Variants in AAK1 observed in about 807,000 individuals in gnomAD.
AAK1 encodes AP2-associated protein kinase 1.
Under a neutral mutation model 116.0 loss-of-function variants are expected in AAK1, and 37 were observed. The observed-to-expected ratio is 0.32, with a 90% CI of 0.25 to 0.42. AAK1 has a LOEUF of 0.42. Ranked by LOEUF, AAK1 falls within the 10% of genes least tolerant of loss-of-function variation. AAK1 has a pLI of 1.00. For synonymous variants in AAK1, 458 were observed against 439.9 expected (o/e 1.04, Z -0.51); for missense variants, 919 against 1,170.6 (o/e 0.79, Z 3.14).
intron 2 of AAK1, among the ~76,000 whole-genome samples, chr2:69,565,952 CA>C (rs1558966605): frequency 6.6e-6 from 1 of 152,020 alleles, no homozygotes; most frequent in East Asian, 1.9e-4. Flanking sequence ...GTCCTCTCCA[CA>C]GTGAGAGTTC....
chr2:69,532,160 A>G lies in AAK1; in HGVS notation c.537T>C (p.Val179=). Residue 179 remains valine, a splice_region_variant and synonymous_variant, in exon 6 of 22, where the codon GTT becomes GTC. Coordinates refer to ENST00000409085, the MANE Select transcript of AAK1 (RefSeq NM_014911.5). ...CTCGGTCATGCAAGAGGATGTTTTCAACCTGAAAAACATTCCCCAACCACC... is the reference window on the plus strand; with the variant it reads ...CTCGGTCATGCAAGAGGATGTTTTCGACCTGAAAAACATTCCCCAACCACC... ...KTPIIHRDLK[V]ENILLHDRGH... is the part of the protein sequence containing the mutation. 6.2e-7 allele frequency: 1 copy of G among 1,613,250 alleles called. No individual in the cohort carries two copies. The highest frequency in any genetic ancestry group is 1.1e-5 in the South Asian group (1 of 91,064).
At chr2:69,595,326 G>T (rs770958398) in intron 2 of AAK1, among the ~76,000 whole-genome samples, 1 of 152,196 alleles carries the variant, frequency 6.6e-6, no homozygotes, top group Non-Finnish European at 1.5e-5. Context: ...AAGTTGGCTA[G>T]GCTGGTCTCG....
At chr2:69,548,604 C>T in intron 3 of AAK1, among the ~76,000 whole-genome samples, 1 of 146,674 alleles carries the variant, frequency 6.8e-6, no homozygotes, top group Admixed American at 6.9e-5. Context: ...TCTTCCCCTT[C>T]CTTCCTTCCT....
intron 2 of AAK1, among the ~76,000 whole-genome samples, chr2:69,636,052 C>T (rs1406155624): frequency 6.6e-6 from 1 of 152,090 alleles, no homozygotes; most frequent in East Asian, 1.9e-4. Flanking sequence ...GTCACATGTC[C>T]ACTATTGAGG....
At chr2:69,561,373 C>T (rs986843198) in intron 2 of AAK1, among the ~76,000 whole-genome samples, 2 of 152,146 alleles carry the variant, frequency 1.3e-5, no homozygotes, top group African/African-American at 2.4e-5. Flanking sequence ...ACAGAATACT[C>T]CTCCCACCCA....
rs758259777 is a variant in AAK1 at position 69,475,915 on chromosome 2, T to C, written c.2840A>G (p.Asn947Ser). 5 of 1,612,304 alleles carry C rather than the reference T, an allele frequency of 3.1e-6. No individual in the cohort carries two copies. The South Asian group carries it at 3.3e-5, about 11-fold the overall frequency. ...CACCAGCAGTAAAGACCTGGCTAGG[T>C]TGGGAAGACTGGACTCAGAGCTCCC... ...SSGSSESSLP[N>S]LARSLLLVDQ... Residue 947 changes from asparagine (N) to serine (S), a missense_variant, in exon 22 of 22, where the codon AAC becomes AGC. Asn to Ser is a conservative substitution (Grantham distance 46). This residue lies in a region of AAK1 where 263 missense variants were observed against 285.5 expected (regional missense o/e 0.92). Coordinates refer to ENST00000409085, the MANE Select transcript of AAK1 (RefSeq NM_014911.5).
chr2:69,593,933 C>T (rs997882251), intron 2 of AAK1, among the ~76,000 whole-genome samples: 1 of 152,208 alleles, frequency 6.6e-6, no homozygotes, highest in Non-Finnish European at 1.5e-5. Context: ...TTGACCTTAG[C>T]GGCTCTTGCC....
At chr2:69,565,468 A>G (rs1671824340) in intron 2 of AAK1, among the ~76,000 whole-genome samples, 1 of 152,200 alleles carries the variant, frequency 6.6e-6, no homozygotes, top group African/African-American at 2.4e-5. Context: ...CCAACTGGGA[A>G]ACTAAAACAC....
chr2:69,550,556 G>C (rs907445848), intron 3 of AAK1, among the ~76,000 whole-genome samples: 3 of 151,840 alleles, frequency 2.0e-5, no homozygotes, highest in Non-Finnish European at 4.4e-5. Flanking sequence ...ACCGCCCAAA[G>C]TGCTGGGAGT....
intron 13 of AAK1, among the ~76,000 whole-genome samples, chr2:69,510,657 C>T (rs1243238620): frequency 6.6e-6 from 1 of 152,206 alleles, no homozygotes; most frequent in Non-Finnish European, 1.5e-5. Context: ...CTAACTTATA[C>T]TCCCATCAAG....
Position 69,458,393 on chromosome 2 carries a change from A to T in AAK1, c.*17476T>A, listed in dbSNP as rs537042229. The stretch of plus-strand genomic sequence containing the variant: ...GACATTAAATGTTCCCTCATTCAAA[A>T]CATCTTGTGGGCCTTGTGGTGTTCT... On this transcript the variant is annotated 3_prime_UTR_variant, in exon 22 of 22. Transcript: ENST00000409085. 3.2e-3 allele frequency: 490 copies of T among 152,660 alleles called. 11 individuals carry two copies. The highest frequency in any genetic ancestry group is 2.3e-3 in the East Asian group (12 of 5,182). 9.5% of individuals were successfully genotyped at this position (152,660 alleles called of 1,614,324 possible).
intron 2 of AAK1, among the ~76,000 whole-genome samples, chr2:69,614,023 G>C (rs879307935): frequency 6.6e-6 from 1 of 152,134 alleles, no homozygotes; most frequent in Non-Finnish European, 1.5e-5. Flanking sequence ...ACACCCAAAC[G>C]GTGTCTAGGA....
intron 16 of AAK1, among the ~76,000 whole-genome samples, chr2:69,497,490 C>G (rs537897803): frequency 1.3e-5 from 2 of 151,532 alleles, no homozygotes; most frequent in Non-Finnish European, 2.9e-5. Flanking sequence ...TTAGTAGAGA[C>G]GGGGTTTTAC....
In AAK1 at chr2:69,465,232, GAACAT is replaced by G. The variant is rs1478300339; in HGVS notation, c.*10632_*10636del. ...AACAAACAAACAAACAAACAAAAAT[GAACAT>G]AACTTAAAGGGGCTTCAACTAAATA... On this transcript the variant is annotated 3_prime_UTR_variant, in exon 22 of 22. Coordinates refer to ENST00000409085, the MANE Select transcript of AAK1 (RefSeq NM_014911.5). 2.6e-6 allele frequency: 1 copy of G among 390,452 alleles called. No individual in the cohort carries two copies. Among genetic ancestry groups the G allele is most frequent in the Non-Finnish European group, 4.3e-6 (1 of 232,348 alleles). 24.2% of individuals were successfully genotyped at this position (390,452 alleles called of 1,614,324 possible).
chr2:69,536,757 C>T (rs1172318426), intron 5 of AAK1, among the ~76,000 whole-genome samples: 3 of 152,154 alleles, frequency 2.0e-5, no homozygotes, highest in African/African-American at 7.2e-5. Context: ...ACCTCTTCAT[C>T]TCAATATTAT....
At chr2:69,526,788 C>T (rs1229859750) in intron 9 of AAK1, among the ~76,000 whole-genome samples, 1 of 152,150 alleles carries the variant, frequency 6.6e-6, no homozygotes, top group Non-Finnish European at 1.5e-5. Context: ...ATCAAGAAAG[C>T]TCTGCTGCAA....
intron 2 of AAK1, among the ~76,000 whole-genome samples, chr2:69,582,567 T>C (rs1441504836): frequency 6.6e-6 from 1 of 152,190 alleles, no homozygotes; most frequent in Non-Finnish European, 1.5e-5. Flanking sequence ...TAAAAAGACC[T>C]GCTACTGGGG....
chr2:69,517,122 TAACTA>T (rs1309852351), intron 12 of AAK1: 2 of 152,150 alleles, frequency 1.3e-5, no homozygotes, highest in South Asian at 2.1e-4. Flanking sequence ...CTAATGATAC[TAACTA>T]AACTAAACAA....
intron 2 of AAK1, among the ~76,000 whole-genome samples, chr2:69,565,440 A>C (rs1007908447): frequency 2.0e-5 from 3 of 152,214 alleles, no homozygotes; most frequent in African/African-American, 4.8e-5. Flanking sequence ...CAGGTCATGT[A>C]CTACAACCTC....
Sources: allele counts gnomAD v4.1 joint callset (sites outside exome capture counted in the v4.1 genomes callset), GRCh38; gene constraint gnomAD v4.1.1; regional missense constraint gnomAD v4.1.1; transcripts MANE v1.5; gene names NCBI Gene and HGNC (gene_info 2026-07-23, HGNC 2026-07-21).